Variants in DPRX observed in about 807,000 individuals in gnomAD.
DPRX encodes divergent-paired related homeobox.
DPRX carries 11 observed loss-of-function variants against 8.4 expected under a neutral mutation model. That is an observed-to-expected ratio of 1.31 (90% CI 0.82 to 2.17). The LOEUF is 2.17. Among genes scored for constraint, DPRX ranks in the 30% most tolerant of loss-of-function variants. DPRX has a pLI of 0.00. For synonymous variants in DPRX, 72 were observed against 87.0 expected (o/e 0.83, Z 0.96); for missense variants, 211 against 236.7 (o/e 0.89, Z 0.71).
upstream of DPRX, among the ~76,000 whole-genome samples, chr19:53,628,540 C>T (rs536638651): frequency 1.3e-5 from 2 of 151,814 alleles, no homozygotes; most frequent in South Asian, 4.2e-4. Context: ...GCATTTAGTA[C>T]ATCACAGTGT....
chr19:53,602,368 T>C, the DPRX span, among the ~76,000 whole-genome samples: 1 of 151,030 alleles, frequency 6.6e-6, no homozygotes. Context: ...ATACTTTTTT[T>C]TTTTTTTTGA....
At chr19:53,618,189 C>T in the DPRX span, among the ~76,000 whole-genome samples, 5 of 151,424 alleles carry the variant, frequency 3.3e-5, no homozygotes, top group Non-Finnish European at 7.4e-5. Context: ...ATACTGCATA[C>T]CTACAACTAT....
At chr19:53,605,258 T>A in the DPRX span, among the ~76,000 whole-genome samples, 30 of 152,138 alleles carry the variant, frequency 2.0e-4, no homozygotes, top group African/African-American at 7.0e-4. Flanking sequence ...CTTTAATTTT[T>A]TTTTTTTAAA....
the DPRX span, among the ~76,000 whole-genome samples, chr19:53,615,713 A>G: frequency 6.6e-6 from 1 of 151,978 alleles, no homozygotes; most frequent in Non-Finnish European, 1.5e-5. Flanking sequence ...TTTTTTTACT[A>G]CAGTCCTCTT....
exon 2 of DPRX, chr19:53,634,532 C>T (rs373534330): frequency 6.2e-7 from 1 of 1,607,644 alleles, no homozygotes; most frequent in Non-Finnish European, 8.5e-7. Context: ...TCTTTCAAGG[C>T]AAGGACCAGA....
At chr19:53,606,477 T>A in the DPRX span, 2 of 152,046 alleles carry the variant, frequency 1.3e-5, no homozygotes, top group East Asian at 3.9e-4. This position sits in a 1 kb window ranked among gnomAD's most constrained non-coding sequence, Gnocchi z 4.8. Context: ...CCACAGCATA[T>A]CTGATGGGGG....
the DPRX span, among the ~76,000 whole-genome samples, chr19:53,604,849 A>G: frequency 6.6e-6 from 1 of 151,906 alleles, no homozygotes; most frequent in Non-Finnish European, 1.5e-5. Context: ...TCTCCAAAAA[A>G]AAAAAAAAAG....
the DPRX span, among the ~76,000 whole-genome samples, chr19:53,621,914 CATT>C: frequency 6.6e-6 from 1 of 152,146 alleles, no homozygotes; most frequent in Non-Finnish European, 1.5e-5. Context: ...CTACAATCCT[CATT>C]GTTATGTGGG....
At chr19:53,624,841 A>AAG in the DPRX span, among the ~76,000 whole-genome samples, 2 of 142,394 alleles carry the variant, frequency 1.4e-5, no homozygotes, top group African/African-American at 5.1e-5. Context: ...AAAAAAAAAA[A>AAG]AAAGAAAGAA....
chr19:53,618,436 G>GAAAT, the DPRX span, among the ~76,000 whole-genome samples: 1 of 150,526 alleles, frequency 6.6e-6, no homozygotes, highest in Non-Finnish European at 1.5e-5. Flanking sequence ...GAAAGGAACA[G>GAAAT]AAATAAATAC....
At chr19:53,617,998 C>T in the DPRX span, among the ~76,000 whole-genome samples, 224 of 151,830 alleles carry the variant, frequency 1.5e-3, 1 homozygote, top group Non-Finnish European at 7.1e-4. Flanking sequence ...ATTAGCCGGG[C>T]GTGGTGGTGG....
chr19:53,626,126 C>T, the DPRX span, among the ~76,000 whole-genome samples: 53 of 151,908 alleles, frequency 3.5e-4, no homozygotes, highest in Admixed American at 2.2e-3. Context: ...TTGGTACAGA[C>T]GAGACTTCAC....
Position 53,632,586 on chromosome 19 carries a change from G to T in DPRX, c.28+452G>T, listed in dbSNP as rs144765457. 5.3e-5 allele frequency among the ~76,000 whole-genome samples: 8 copies of T among 152,146 alleles called. No individual in the cohort carries two copies. In the East Asian group the frequency reaches 1.6e-3, roughly 30 times the overall value. ...AGCCTCCCAAAGTGCTGGGGTGACA[G>T]GCGTGAGCCACTGCACCCGGCCCAA... On this transcript the variant is annotated intron_variant, in intron 1 of 2. Transcript: ENST00000376650.
chr19:53,611,025 C>T, the DPRX span, among the ~76,000 whole-genome samples: 32,148 of 151,834 alleles, frequency 0.21, 3,751 homozygotes, highest in South Asian at 0.28. Flanking sequence ...CCCTCAGCCT[C>T]CAAGTAGCTG....
chr19:53,603,035 G>GTATATATATA, the DPRX span, among the ~76,000 whole-genome samples: 1 of 150,436 alleles, frequency 6.6e-6, no homozygotes, highest in South Asian at 2.1e-4. Context: ...GTGTGTGTGT[G>GTATATATATA]TGTATATATA....
In DPRX at chr19:53,636,710, G is replaced by A. The variant is rs746982581; in HGVS notation, c.298G>A (p.Gly100Ser). The change falls in exon 3 of 3, where the codon GGC becomes AGC. Residue 100 changes from glycine to serine, a missense_variant. Coordinates refer to ENST00000376650, the Ensembl canonical transcript of DPRX. The stretch of plus-strand genomic sequence containing the variant: ...AGAGGGTGGGGTCTCCACCAGTGTC[G>A]GCCTGAGAAATGCAGACACACTACC... The A allele has an allele frequency of 1.3e-5, 21 of 1,613,848 alleles. No individual in the cohort carries two copies. The highest frequency in any genetic ancestry group is 1.6e-4 in the Middle Eastern group (1 of 6,084).
the DPRX span, among the ~76,000 whole-genome samples, chr19:53,618,091 T>A: frequency 5.4e-5 from 8 of 149,490 alleles, no homozygotes; most frequent in East Asian, 3.9e-4. Flanking sequence ...GCAGTGAGCC[T>A]AGATCGCTGC....
At chr19:53,603,979 C>T in the DPRX span, among the ~76,000 whole-genome samples, 4 of 152,052 alleles carry the variant, frequency 2.6e-5, no homozygotes, top group African/African-American at 4.8e-5. Context: ...CTCCTGACCT[C>T]AAGTGAGCCA....
intron 1 of DPRX, among the ~76,000 whole-genome samples, chr19:53,633,929 C>T (rs1168583706): frequency 6.6e-6 from 1 of 152,078 alleles, no homozygotes; most frequent in Non-Finnish European, 1.5e-5. Flanking sequence ...CAGGCGTGAG[C>T]AAGGGATCCC....
Sources: allele counts gnomAD v4.1 joint callset (sites outside exome capture counted in the v4.1 genomes callset), GRCh38; gene constraint gnomAD v4.1.1; non-coding constraint Gnocchi (gnomAD v3.1); transcripts MANE v1.5; gene names NCBI Gene and HGNC (gene_info 2026-07-23, HGNC 2026-07-21).